KCNIP3: variants seen among roughly 807,000 people sequenced by gnomAD.
The protein encoded by KCNIP3 is potassium voltage-gated channel interacting protein 3, also known as calsenilin.
In KCNIP3, 28 loss-of-function variants were observed where a neutral mutation model predicts 35.0. The ratio of observed to expected loss-of-function variants is 0.80; its 90% confidence interval spans 0.59 to 1.10. KCNIP3 has a LOEUF of 1.10. KCNIP3 is among the 50% of genes least tolerant of loss of function. KCNIP3 has a pLI of 0.00. For synonymous variants in KCNIP3, 134 were observed against 133.8 expected, an observed-to-expected ratio of 1.00 and a Z score of -0.01; for missense variants, 295 against 338.4, an observed-to-expected ratio of 0.87 and a Z score of 1.01.
intron 2 of KCNIP3, chr2:95,313,657 G>A (rs1473059167): frequency 6.6e-6 from 1 of 152,174 alleles, no homozygotes; most frequent in Non-Finnish European, 1.5e-5. Context: ...AAGGGCTGTG[G>A]GACTTGGGTT....
chr2:95,332,383 G>A (rs1678953366), intron 2 of KCNIP3, among the ~76,000 whole-genome samples: 1 of 152,278 alleles, frequency 6.6e-6, no homozygotes, highest in Non-Finnish European at 1.5e-5. Context: ...GGAGGCTGAG[G>A]CGGGTGGATG....
chr2:95,360,311 T>C (rs1187949743), intron 2 of KCNIP3, among the ~76,000 whole-genome samples: 1 of 152,186 alleles, frequency 6.6e-6, no homozygotes, highest in African/African-American at 2.4e-5. Context: ...CAATACCTTA[T>C]TCCTCAATTC....
rs891491630 is a variant in KCNIP3 at position 95,315,994 on chromosome 2, C to T, written c.181+5474C>T. ...TGTTGGGTGTTTCGGGGCTCATGGC[C>T]ACCTACTCTGTCTCTCTGTCTCTGT... On this transcript the variant is annotated intron_variant, in intron 2 of 8. Transcript: ENST00000295225. Among the ~76,000 whole-genome samples, 12 of 152,358 alleles carry T rather than the reference C, an allele frequency of 7.9e-5. 1 individual carries two copies. In the South Asian group the frequency reaches 2.1e-3, roughly 26 times the overall value.
chr2:95,317,914 C>A (rs1368745325), intron 2 of KCNIP3, among the ~76,000 whole-genome samples: 2 of 152,174 alleles, frequency 1.3e-5, no homozygotes, highest in African/African-American at 2.4e-5. Flanking sequence ...ACCTGGGAGG[C>A]ATCATCAGCG....
chr2:95,341,090 T>A (rs1679183468), intron 2 of KCNIP3, among the ~76,000 whole-genome samples: 1 of 152,190 alleles, frequency 6.6e-6, no homozygotes, highest in African/African-American at 2.4e-5. Flanking sequence ...CAAGTCGAAC[T>A]GTAATCCCTA....
chr2:95,345,868 C>G (rs1196304116), intron 2 of KCNIP3, among the ~76,000 whole-genome samples: 1 of 152,240 alleles, frequency 6.6e-6, no homozygotes, highest in Non-Finnish European at 1.5e-5. Flanking sequence ...CACCCACAAA[C>G]GAATAAGCAT....
chr2:95,381,502 G>A, intron 5 of KCNIP3, 94 bp from the exon 6 acceptor site: 2 of 854,842 alleles, frequency 2.3e-6, no homozygotes, highest in African/African-American at 1.6e-5. Context: ...TGTGCCTGTT[G>A]GAGGCGTGAA....
chr2:95,309,315 T>C (rs568333746), intron 1 of KCNIP3, among the ~76,000 whole-genome samples: 32 of 152,228 alleles, frequency 2.1e-4, no homozygotes, highest in African/African-American at 6.5e-4. Flanking sequence ...GATGTCAGGA[T>C]TGGGGGGCCT....
intron 2 of KCNIP3, among the ~76,000 whole-genome samples, chr2:95,331,484 T>C (rs1383204349): frequency 6.6e-6 from 1 of 151,910 alleles, no homozygotes; most frequent in East Asian, 1.9e-4. Context: ...GAGGGATACA[T>C]TTGGGGGTCA....
intron 2 of KCNIP3, among the ~76,000 whole-genome samples, chr2:95,367,757 C>G (rs1679949604): frequency 6.8e-6 from 1 of 147,270 alleles, no homozygotes; most frequent in Non-Finnish European, 1.5e-5. Flanking sequence ...AGTGACTTAA[C>G]ATTTTTTTTT....
chr2:95,352,017 C>A (rs984503312), intron 2 of KCNIP3, among the ~76,000 whole-genome samples: 1 of 152,136 alleles, frequency 6.6e-6, no homozygotes, highest in Non-Finnish European at 1.5e-5. Context: ...AATCCCAGCA[C>A]TTTGGGAGGC....
intron 2 of KCNIP3, among the ~76,000 whole-genome samples, chr2:95,352,948 C>T (rs1476558209): frequency 6.6e-6 from 1 of 152,222 alleles, no homozygotes; most frequent in East Asian, 1.9e-4. Context: ...GGGTGTGCAG[C>T]TGTCAGGTTG....
At chr2:95,326,764 A>G (rs1678805921) in intron 2 of KCNIP3, among the ~76,000 whole-genome samples, 1 of 152,204 alleles carries the variant, frequency 6.6e-6, no homozygotes, top group African/African-American at 2.4e-5. Context: ...GTCCTCGAAT[A>G]AATTCCAAAT....
chr2:95,319,772 C>T, intron 2 of KCNIP3, among the ~76,000 whole-genome samples: 1 of 152,224 alleles, frequency 6.6e-6, no homozygotes, highest in South Asian at 2.1e-4. Flanking sequence ...GCCTCACAGG[C>T]TCTTGGGCTC....
At chr2:95,375,560 GGTGGGAT>G (rs1270645759) in intron 5 of KCNIP3, among the ~76,000 whole-genome samples, 4 of 152,010 alleles carry the variant, frequency 2.6e-5, no homozygotes, top group Non-Finnish European at 5.9e-5. Flanking sequence ...GTTTGCTGAC[GGTGGGAT>G]GTGAGACCTC....
intron 4 of KCNIP3, 65 bp from the exon 5 acceptor site, chr2:95,375,073 C>G: frequency 1.3e-6 from 2 of 1,562,908 alleles, no homozygotes; most frequent in Non-Finnish European, 1.8e-6. Context: ...CTGGGGTTGC[C>G]TGGGGTGGGA....
Position 95,382,968 on chromosome 2 carries a change from C to A in KCNIP3, c.661-264C>A, listed in dbSNP as rs1680385136. Among the ~76,000 whole-genome samples the A allele has an allele frequency of 1.3e-5, 2 of 152,166 alleles. No homozygotes were observed. Among genetic ancestry groups the A allele is most frequent in the African/African-American group, 4.8e-5 (2 of 41,424 alleles). On this transcript the variant is annotated intron_variant, in intron 7 of 8. Transcript: ENST00000295225. This position sits in a 1 kb window ranked among gnomAD's most constrained non-coding sequence, Gnocchi z 4.5. Reference sequence around the variant, plus strand: ...GGGGACAAATTCTGGGAAACCCAAGCCCAGGAGGGCTCAGGGAATTGGCCT... The same window carrying A: ...GGGGACAAATTCTGGGAAACCCAAGACCAGGAGGGCTCAGGGAATTGGCCT...
At chr2:95,342,590 C>T (rs1321276268) in intron 2 of KCNIP3, among the ~76,000 whole-genome samples, 6 of 152,244 alleles carry the variant, frequency 3.9e-5, no homozygotes, top group African/African-American at 1.4e-4. Flanking sequence ...ATGGGGCACG[C>T]AGCGTTGCCA....
At chr2:95,329,219 C>CG (rs1558765186) in intron 2 of KCNIP3, among the ~76,000 whole-genome samples, 1 of 318 alleles carries the variant, frequency 3.1e-3, no homozygotes, top group African/African-American at 6.1e-3. Flanking sequence ...TGGCTCCCAG[C>CG]GCGGGCCAAG....
Sources: allele counts gnomAD v4.1 joint callset (sites outside exome capture counted in the v4.1 genomes callset), GRCh38; gene constraint gnomAD v4.1.1; non-coding constraint Gnocchi (gnomAD v3.1); transcripts MANE v1.5; gene names NCBI Gene and HGNC (gene_info 2026-07-23, HGNC 2026-07-21).